Variants in RBFOX3 observed in about 807,000 individuals in gnomAD.
RBFOX3 encodes the protein RNA binding fox-1 homolog 3, also known as RNA binding protein fox-1 homolog 3.
Under a neutral mutation model 48.7 loss-of-function variants are expected in RBFOX3, and 17 were observed. The observed-to-expected ratio is 0.35, with a 90% CI of 0.24 to 0.52. The LOEUF is 0.52. RBFOX3 is among the 20% of genes least tolerant of loss of function. The probability of loss-of-function intolerance (pLI) is 0.94; values close to 1 mark genes in which losing one functional copy is unlikely to be tolerated. For synonymous variants in RBFOX3, 212 were observed against 209.5 expected (o/e 1.01, Z -0.10); for missense variants, 382 against 497.5 (o/e 0.77, Z 2.21).
intron 2 of RBFOX3, among the ~76,000 whole-genome samples, chr17:79,478,208 CAA>C (rs2078235765): frequency 6.6e-6 from 1 of 152,192 alleles, no homozygotes; most frequent in South Asian, 2.1e-4. Context: ...AACAAGCAGA[CAA>C]GAGACGGGCG....
At chr17:79,092,552 G>GTAAT (rs10676066) in intron 14 of RBFOX3, 244,153 of 986,426 alleles carry the variant, frequency 0.25, 30,932 homozygotes, top group East Asian at 0.35. Context: ...GGTTTGGTGT[G>GTAAT]TAATAGGCAG....
chr17:79,255,915 T>C (rs140587481), intron 3 of RBFOX3, among the ~76,000 whole-genome samples: 1 of 151,116 alleles, frequency 6.6e-6, no homozygotes, highest in Non-Finnish European at 1.5e-5. Context: ...CTGGGGATCC[T>C]GGACCCGCTG....
At chr17:79,382,596 C>A (rs115635640) in intron 2 of RBFOX3, among the ~76,000 whole-genome samples, 1 of 152,318 alleles carries the variant, frequency 6.6e-6, no homozygotes, top group South Asian at 2.1e-4. Flanking sequence ...CCAACCCTTG[C>A]GGTCATGGGC....
In RBFOX3 at chr17:79,477,518, C is replaced by T. The variant is rs1423485786; in HGVS notation, c.-175+4936G>A. ...TTGCAGTGAGCTGAGATCGCCCCAT[C>T]GCACTCCAGCCTGGGCGACAGAGCG... is the stretch of plus-strand genomic sequence containing the variant. On this transcript the variant is annotated intron_variant, in intron 2 of 14. Transcript: ENST00000693108. This position sits in a 1 kb window ranked among gnomAD's most constrained non-coding sequence, Gnocchi z 4.8. Among the ~76,000 whole-genome samples the T allele has an allele frequency of 1.7e-3, 254 of 151,046 alleles. 1 individual carries two copies. The highest frequency in any genetic ancestry group is 3.6e-3 in the African/African-American group (147 of 41,136).
chr17:79,377,651 AG>A (rs1276506660), intron 2 of RBFOX3, among the ~76,000 whole-genome samples: 1 of 152,126 alleles, frequency 6.6e-6, no homozygotes, highest in Non-Finnish European at 1.5e-5. Flanking sequence ...TCCACGGGGG[AG>A]GGGCATCGAG....
chr17:79,280,159 A>ACG (rs764981714), intron 3 of RBFOX3, among the ~76,000 whole-genome samples: 30 of 127,602 alleles, frequency 2.4e-4, no homozygotes, highest in African/African-American at 2.7e-4. Flanking sequence ...GTGCACACAC[A>ACG]CACGCACACA....
At position 79,454,485 on chromosome 17, in the gene RBFOX3, C is replaced by T. The variant is rs574489290; in HGVS notation, c.-175+27969G>A. Among the ~76,000 whole-genome samples, 186 of 152,140 alleles carry T rather than the reference C, an allele frequency of 1.2e-3. 4 individuals are homozygous for T. Among genetic ancestry groups the T allele is most frequent in the Non-Finnish European group, 1.2e-3 (83 of 68,032 alleles). On this transcript the variant is annotated intron_variant, in intron 2 of 14. Coordinates refer to ENST00000693108, the MANE Select transcript of RBFOX3 (RefSeq NM_001350451.2). ...GATCAAGAACACTGCCGCTCCCCCA[C>T]CTTGCCCACCAAGCCCTCCCAGCAC... is the stretch of plus-strand genomic sequence containing the variant.
intron 2 of RBFOX3, among the ~76,000 whole-genome samples, chr17:79,406,610 C>T (rs548756716): frequency 6.6e-6 from 1 of 152,338 alleles, no homozygotes; most frequent in Non-Finnish European, 1.5e-5. Context: ...CGGTGCCCTC[C>T]ATTTCCTTTC....
At chr17:79,448,341 C>T (rs1216836918) in intron 2 of RBFOX3, among the ~76,000 whole-genome samples, 1 of 152,150 alleles carries the variant, frequency 6.6e-6, no homozygotes, top group Admixed American at 6.5e-5. Context: ...AAGCTGTGAC[C>T]TTATCTGGAA....
Position 79,103,872 on chromosome 17 carries a change from A to AAGCGGC in RBFOX3, c.414+195_414+200dup, listed in dbSNP as rs1823534373. ...GAGGTCCTGGTGGCTCAGAAAGAAA[A>AAGCGGC]AGCGGCAGCGGCAGCAACAACACAG... On this transcript the variant is annotated intron_variant, in intron 7 of 14. Transcript: ENST00000693108. The surrounding 1 kb of genome is among the most constrained non-coding windows in gnomAD (Gnocchi z 6.1). 1.5e-5 allele frequency among the ~76,000 whole-genome samples: 2 copies of AAGCGGC among 137,392 alleles called. No individual in the cohort carries two copies. The highest frequency in any genetic ancestry group is 2.6e-4 in the South Asian group (1 of 3,806). The allele number at this position is 137,392 out of a possible 152,430, so 90.1% of individuals were successfully genotyped here. A position where few individuals can be genotyped will look rare whatever the true frequency, so the allele number is the denominator to read the frequency against.
At chr17:79,501,512 T>G (rs2082382942) in intron 1 of RBFOX3, among the ~76,000 whole-genome samples, 2 of 152,322 alleles carry the variant, frequency 1.3e-5, no homozygotes, top group Admixed American at 6.5e-5. Context: ...CTCTGCCTCC[T>G]CCTTGTCATT....
chr17:79,447,552 A>T (rs145854254), intron 2 of RBFOX3, among the ~76,000 whole-genome samples: 9 of 152,370 alleles, frequency 5.9e-5, no homozygotes, highest in South Asian at 2.1e-4. Flanking sequence ...GGCACAGAGA[A>T]GTCAAGAAGT....
the RBFOX3 span, among the ~76,000 whole-genome samples, chr17:79,661,290 G>C: frequency 6.6e-6 from 1 of 151,754 alleles, no homozygotes. Flanking sequence ...AAAAGTTGAA[G>C]ATTTTTTTTA....
At chr17:79,583,133 G>A (rs1486942378) in intron 1 of RBFOX3, among the ~76,000 whole-genome samples, 1 of 152,248 alleles carries the variant, frequency 6.6e-6, no homozygotes, top group East Asian at 1.9e-4. Context: ...GGGCGCTGCA[G>A]GGGAGGGAGT....
chr17:79,614,146 C>T (rs962068935), upstream of RBFOX3, among the ~76,000 whole-genome samples: 3 of 152,344 alleles, frequency 2.0e-5, no homozygotes, highest in Admixed American at 2.0e-4. Flanking sequence ...TGGAATCCCC[C>T]GAAGGCTCAG....
chr17:79,188,224 C>A (rs897430009), intron 4 of RBFOX3, among the ~76,000 whole-genome samples: 11 of 152,184 alleles, frequency 7.2e-5, no homozygotes, highest in Admixed American at 1.3e-4. Context: ...CCACCCCCAA[C>A]CCCCTCTGCC....
In RBFOX3 at chr17:79,254,949, G is replaced by A. The variant is rs977855255; in HGVS notation, c.-73-19144C>T. On this transcript the variant is annotated intron_variant, in intron 3 of 14. Coordinates refer to ENST00000693108, the MANE Select transcript of RBFOX3 (RefSeq NM_001350451.2). The surrounding 1 kb of genome is among the most constrained non-coding windows in gnomAD (Gnocchi z 4.8). ...CTTGCTCTAGGTAGGGCCTGGGGCA[G>A]GACTATGTGCCCTGAGCCCTCTATC... Among the ~76,000 whole-genome samples, 2 of 152,184 alleles carry A rather than the reference G, an allele frequency of 1.3e-5. No individual in the cohort carries two copies. The highest frequency in any genetic ancestry group is 2.9e-5 in the Non-Finnish European group (2 of 68,016).
intron 1 of RBFOX3, among the ~76,000 whole-genome samples, chr17:79,536,662 G>A (rs1030615590): frequency 3.4e-5 from 5 of 147,968 alleles, no homozygotes; most frequent in African/African-American, 5.1e-5. Context: ...CCGCCCCAGC[G>A]TAGCACTTTG....
Position 79,362,167 on chromosome 17 carries a change from C to G in RBFOX3, c.-174-54343G>C, listed in dbSNP as rs969063830. 6.6e-6 allele frequency among the ~76,000 whole-genome samples: 1 copy of G among 152,246 alleles called. No individual in the cohort carries two copies. Among genetic ancestry groups the G allele is most frequent in the South Asian group, 2.1e-4 (1 of 4,834 alleles). On this transcript the variant is annotated intron_variant, in intron 2 of 14. Coordinates refer to ENST00000693108, the MANE Select transcript of RBFOX3 (RefSeq NM_001350451.2). The surrounding 1 kb of genome is among the most constrained non-coding windows in gnomAD (Gnocchi z 4.2). Reference sequence around the variant, plus strand: ...CCACGGGCCACGGCCAAGCGCTGAGCCAACAGAGTTTGCCTCCTGCCTCAC... The same window carrying G: ...CCACGGGCCACGGCCAAGCGCTGAGGCAACAGAGTTTGCCTCCTGCCTCAC...
Sources: allele counts gnomAD v4.1 joint callset (sites outside exome capture counted in the v4.1 genomes callset), GRCh38; gene constraint gnomAD v4.1.1; non-coding constraint Gnocchi (gnomAD v3.1); transcripts MANE v1.5; gene names NCBI Gene and HGNC (gene_info 2026-07-23, HGNC 2026-07-21).